Variants in LARGE1 observed in about 807,000 individuals in gnomAD.
LARGE1 encodes the protein LARGE xylosyl- and glucuronyltransferase 1, also known as xylosyl- and glucuronyltransferase LARGE1.
Under a neutral mutation model 87.6 loss-of-function variants are expected in LARGE1, and 43 were observed. The observed-to-expected ratio is 0.49, with a 90% CI of 0.38 to 0.63. LARGE1 has a LOEUF of 0.63. LARGE1 is among the 30% of genes least tolerant of loss of function. The pLI, the probability that LARGE1 is intolerant of heterozygous loss-of-function variation, is 0.00. For synonymous variants in LARGE1, 434 were observed against 394.6 expected (o/e 1.10, Z -1.18); for missense variants, 802 against 1,000.2 (o/e 0.80, Z 2.67).
In LARGE1 at chr22:33,273,985, A is replaced by C. The variant is rs761387947; in HGVS notation, c.*442T>G. ...TTGCAGGGCAAAGGGGAAAGTTTTC[A>C]CTTAATAAAGACAATTTCACTTCTA... is the stretch of plus-strand genomic sequence containing the variant. On this transcript the variant is annotated 3_prime_UTR_variant, in exon 15 of 15. Coordinates refer to ENST00000397394, the MANE Select transcript of LARGE1 (RefSeq NM_133642.5). 4 of 336,784 alleles carry C rather than the reference A, an allele frequency of 1.2e-5. No individual in the cohort carries two copies. The highest frequency in any genetic ancestry group is 2.1e-5 in the African/African-American group (1 of 47,762). The allele number at this position is 336,784 out of a possible 1,614,324, so 20.9% of individuals were successfully genotyped here. A position where few individuals can be genotyped will look rare whatever the true frequency, so the allele number is the denominator to read the frequency against.
At chr22:33,565,046 T>G (rs761862777) in intron 5 of LARGE1, 27 bp from the exon 6 acceptor site, 1 of 1,609,696 alleles carries the variant, frequency 6.2e-7, no homozygotes, top group Non-Finnish European at 8.5e-7. Context: ...AGAGAGAGAG[T>G]TGGAGAAAGG....
the LARGE1 span, among the ~76,000 whole-genome samples, chr22:33,087,773 A>G: frequency 6.6e-6 from 1 of 152,032 alleles, no homozygotes; most frequent in South Asian, 2.1e-4. Context: ...CATCTCTACT[A>G]AAAATACAAA....
intron 2 of LARGE1, among the ~76,000 whole-genome samples, chr22:33,742,883 G>A (rs2083939197): frequency 6.6e-6 from 1 of 152,018 alleles, no homozygotes; most frequent in Non-Finnish European, 1.5e-5. Flanking sequence ...CAGTGATAAA[G>A]TCTGTATCTT....
chr22:33,905,142 T>G, intron 1 of LARGE1, among the ~76,000 whole-genome samples: 1 of 149,090 alleles, frequency 6.7e-6, no homozygotes, highest in East Asian at 2.0e-4. Flanking sequence ...CAGGGCTCAC[T>G]GTACCCTCAA....
chr22:33,573,948 G>A (rs1003010402), intron 5 of LARGE1, among the ~76,000 whole-genome samples: 7 of 152,118 alleles, frequency 4.6e-5, no homozygotes, highest in Non-Finnish European at 5.9e-5. Context: ...TTCCCCCAAA[G>A]TGAGTGGTCC....
rs1176250558 is a variant in LARGE1 at position 33,394,374 on chromosome 22, A to AT, written c.893-10071dup. On this transcript the variant is annotated intron_variant, in intron 7 of 14. Transcript: ENST00000397394. ...CCACCACACCCAGCTAATTTTTTGTATTTTTAGTAGAGACGGGGTTTCACC... is the reference window on the plus strand; with the variant it reads ...CCACCACACCCAGCTAATTTTTTGTATTTTTTAGTAGAGACGGGGTTTCACC... 1.1e-4 allele frequency among the ~76,000 whole-genome samples: 16 copies of AT among 152,026 alleles called. No individual in the cohort carries two copies. In the East Asian group the frequency reaches 2.7e-3, roughly 26 times the overall value.
At chr22:33,768,302 C>A (rs948889760) in intron 1 of LARGE1, among the ~76,000 whole-genome samples, 9 of 151,232 alleles carry the variant, frequency 6.0e-5, no homozygotes, top group African/African-American at 2.2e-4. Context: ...CGTCCCACTC[C>A]AAAGAAAAAA....
chr22:33,457,293 CTTTTTTTTTT>C (rs759460321), intron 6 of LARGE1, among the ~76,000 whole-genome samples: 92 of 74,918 alleles, frequency 1.2e-3, no homozygotes, highest in Admixed American at 2.2e-3. Flanking sequence ...ACGCCTGGCT[CTTTTTTTTTT>C]TTTTTTTTTT....
chr22:33,111,955 G>A, the LARGE1 span, among the ~76,000 whole-genome samples: 1 of 152,186 alleles, frequency 6.6e-6, no homozygotes, highest in African/African-American at 2.4e-5. Context: ...GACAAATAAA[G>A]TCCAATATAG....
intron 1 of LARGE1, among the ~76,000 whole-genome samples, chr22:33,885,452 T>C (rs183432792): frequency 1.2e-4 from 19 of 152,302 alleles, no homozygotes; most frequent in Non-Finnish European, 1.5e-5. Context: ...TAAGCCTCAG[T>C]CTGTTTATCT....
At chr22:33,113,322 C>T in the LARGE1 span, among the ~76,000 whole-genome samples, 3 of 151,898 alleles carry the variant, frequency 2.0e-5, no homozygotes, top group African/African-American at 4.8e-5. Flanking sequence ...ATTCTTCTGC[C>T]TCAGCCTCCT....
At chr22:33,236,936 T>C (rs1029080756) in intron 11 of LARGE1, among the ~76,000 whole-genome samples, 17 of 152,224 alleles carry the variant, frequency 1.1e-4, no homozygotes, top group African/African-American at 2.9e-4. Context: ...CTAAAGACCA[T>C]TGAATCGCTG....
At position 33,533,160 on chromosome 22, in the gene LARGE1, G is replaced by C. The variant is rs758426567; in HGVS notation, c.787+31688C>G. ...ATACAAAGGGCCAGCCACTAACAAT[G>C]GGTACCAGTCTTCCGGGAGCTAACA... On this transcript the variant is annotated intron_variant, in intron 6 of 14. Coordinates refer to ENST00000397394, the MANE Select transcript of LARGE1 (RefSeq NM_133642.5). 1.8e-4 allele frequency among the ~76,000 whole-genome samples: 28 copies of C among 152,168 alleles called. 1 individual carries two copies. The highest frequency in any genetic ancestry group is 2.9e-4 in the Non-Finnish European group (20 of 68,028).
At chr22:33,358,885 C>G (rs751640039) in intron 9 of LARGE1, among the ~76,000 whole-genome samples, 1 of 151,866 alleles carries the variant, frequency 6.6e-6, no homozygotes, top group Admixed American at 6.6e-5. Flanking sequence ...GTAGTCCCAG[C>G]TACTCGGGAG....
intron 2 of LARGE1, among the ~76,000 whole-genome samples, chr22:33,662,170 T>C (rs1029708841): frequency 6.6e-6 from 1 of 150,866 alleles, no homozygotes; most frequent in Non-Finnish European, 1.5e-5. Flanking sequence ...TGTCCACAGG[T>C]TGGATAAGCC....
intron 7 of LARGE1, among the ~76,000 whole-genome samples, chr22:33,420,938 A>G (rs1030480044): frequency 3.9e-5 from 6 of 152,346 alleles, no homozygotes; most frequent in African/African-American, 1.4e-4. Context: ...CTGTAATCTC[A>G]GCAGTTTGGG....
intron 5 of LARGE1, among the ~76,000 whole-genome samples, chr22:33,593,240 G>A (rs753574673): frequency 1.3e-5 from 2 of 150,444 alleles, no homozygotes; most frequent in African/African-American, 2.5e-5. Flanking sequence ...ACGGGGTTTC[G>A]CCATGTTGCC....
chr22:33,494,913 C>A (rs540976485), intron 6 of LARGE1, among the ~76,000 whole-genome samples: 1 of 152,320 alleles, frequency 6.6e-6, no homozygotes, highest in South Asian at 2.1e-4. Context: ...AAGTCTCTGT[C>A]CTCTCTTGGC....
chr22:33,513,624 A>C (rs1376145396), intron 6 of LARGE1, among the ~76,000 whole-genome samples: 1 of 152,208 alleles, frequency 6.6e-6, no homozygotes, highest in Non-Finnish European at 1.5e-5. Context: ...CAAGAGAGGA[A>C]ATTAAGTAAA....
Sources: gnomAD v4.1 joint callset for allele counts (sites outside exome capture counted in the v4.1 genomes callset) on GRCh38, gnomAD v4.1.1 for gene constraint, MANE v1.5 for transcripts, NCBI Gene and HGNC (gene_info 2026-07-23, HGNC 2026-07-21) for gene names.